The following IL36B variants were observed in gnomAD, a reference collection of about 807,000 sequenced individuals.
IL36B encodes the protein interleukin 36 beta.
A neutral mutation model predicts 19.3 loss-of-function variants in IL36B; 23 were observed. The observed-to-expected ratio is 1.19, with a 90% CI of 0.86 to 1.69. IL36B has a LOEUF of 1.69. IL36B is among the 40% of genes most tolerant of loss of function. The pLI is 0.00. For missense variants in IL36B, 217 were observed against 200.5 expected (o/e 1.08, Z -0.50); for synonymous variants, 59 against 59.7 (o/e 0.99, Z 0.05).
At chr2:113,044,260 ATG>A (rs56838257) in intron 1 of IL36B, among the ~76,000 whole-genome samples, 7,354 of 142,288 alleles carry the variant, frequency 0.052, 253 homozygotes, top group Admixed American at 0.14. Context: ...CTATATCTAT[ATG>A]TGTGTGTGTG....
At chr2:113,044,258 ATATGTGTGTGTGTGTG>A (rs1459437823) in intron 1 of IL36B, among the ~76,000 whole-genome samples, 289 of 131,410 alleles carry the variant, frequency 2.2e-3, no homozygotes, top group African/African-American at 7.7e-3. Context: ...ATCTATATCT[ATATGTGTGTGTGTGTG>A]TGTGTGTGTG....
intron 5 of IL36B, chr2:113,022,885 G>A: frequency 1.4e-6 from 1 of 691,242 alleles, no homozygotes. Flanking sequence ...GGCTCCTGGA[G>A]GAGATTGGAG....
At chr2:113,027,249 G>T (rs1380170785) in intron 4 of IL36B, among the ~76,000 whole-genome samples, 184 bp downstream of exon 5, 1 of 152,104 alleles carries the variant, frequency 6.6e-6, no homozygotes, top group Non-Finnish European at 1.5e-5. Flanking sequence ...GCTGTCTCAG[G>T]GGTGGAGAGG....
At chr2:113,028,646 G>T (rs1005810871) in intron 4 of IL36B, among the ~76,000 whole-genome samples, 2 of 152,202 alleles carry the variant, frequency 1.3e-5, no homozygotes, top group African/African-American at 4.8e-5. Flanking sequence ...AGGATTTCCA[G>T]AATGCAGTTA....
At chr2:113,038,023 C>T (rs949535490) in intron 1 of IL36B, among the ~76,000 whole-genome samples, 6 of 152,176 alleles carry the variant, frequency 3.9e-5, no homozygotes, top group East Asian at 1.9e-4. Flanking sequence ...GAGCATTTGA[C>T]GCTGACATTT....
chr2:113,035,080 A>G (rs563541709), intron 1 of IL36B, among the ~76,000 whole-genome samples: 297 of 152,348 alleles, frequency 1.9e-3, no homozygotes, highest in Non-Finnish European at 3.0e-3. Context: ...GAACTTTTAG[A>G]CATTTAAAGT....
intron 4 of IL36B, among the ~76,000 whole-genome samples, chr2:113,026,645 T>A (rs1428576604): frequency 6.6e-6 from 1 of 152,152 alleles, no homozygotes; most frequent in Middle Eastern, 3.2e-3. Flanking sequence ...TTAAAATAAC[T>A]CTCACAAAAT....
chr2:113,038,222 A>G (rs1297420447), intron 1 of IL36B, among the ~76,000 whole-genome samples: 1 of 152,162 alleles, frequency 6.6e-6, no homozygotes, highest in Non-Finnish European at 1.5e-5. Flanking sequence ...TCTTCTTGCT[A>G]CAAGTTGTTG....
intron 4 of IL36B, among the ~76,000 whole-genome samples, chr2:113,028,439 G>T (rs1335029135): frequency 6.6e-6 from 1 of 152,198 alleles, no homozygotes; most frequent in Non-Finnish European, 1.5e-5. Flanking sequence ...GGCCAGTCTT[G>T]CTGCATTCTC....
At chr2:113,051,497 G>A (rs1373737429) in intron 1 of IL36B, among the ~76,000 whole-genome samples, 4 of 152,138 alleles carry the variant, frequency 2.6e-5, no homozygotes, top group African/African-American at 7.2e-5. Flanking sequence ...CTCAGATCCC[G>A]GCCTGTGCAC....
At chr2:113,031,252 G>A (rs748558961) in intron 2 of IL36B, 97 bp from the exon 3 acceptor site, 103 of 791,564 alleles carry the variant, frequency 1.3e-4, no homozygotes, top group Middle Eastern at 2.2e-4. Flanking sequence ...TTTCTGGAGA[G>A]AGTCTCATTG....
At chr2:113,051,805 G>A (rs1342559744) in intron 1 of IL36B, among the ~76,000 whole-genome samples, 1 of 152,146 alleles carries the variant, frequency 6.6e-6, no homozygotes, top group East Asian at 1.9e-4. Flanking sequence ...CTCCAGGAAG[G>A]ACTTTCACGG....
At chr2:113,050,941 C>T (rs1213087052) in intron 1 of IL36B, among the ~76,000 whole-genome samples, 4 of 151,974 alleles carry the variant, frequency 2.6e-5, no homozygotes, top group East Asian at 2.0e-4. Flanking sequence ...AATTGGAGGC[C>T]GTGCCTCTCA....
At chr2:113,052,486 T>C (rs1685466386) in intron 1 of IL36B, among the ~76,000 whole-genome samples, 1 of 152,204 alleles carries the variant, frequency 6.6e-6, no homozygotes, top group Non-Finnish European at 1.5e-5. Flanking sequence ...CTAATTTTCG[T>C]TTTGTCTTAT....
chr2:113,038,279 C>G (rs1389665234), intron 1 of IL36B, among the ~76,000 whole-genome samples: 1 of 152,180 alleles, frequency 6.6e-6, no homozygotes, highest in Non-Finnish European at 1.5e-5. Context: ...GATCCTCACT[C>G]CCAGTTCCAG....
chr2:113,046,109 AC>A (rs1685343642), intron 1 of IL36B, among the ~76,000 whole-genome samples: 1 of 152,192 alleles, frequency 6.6e-6, no homozygotes, highest in Non-Finnish European at 1.5e-5. Context: ...TTGTGTATTA[AC>A]ATTTTACATT....
rs114158296 is a variant in IL36B at position 113,043,509 on chromosome 2, C to T, written c.-58+9308G>A. On this transcript the variant is annotated intron_variant, in intron 1 of 5. Coordinates refer to ENST00000259213, the MANE Select transcript of IL36B (RefSeq NM_014438.5). Reference sequence around the variant, plus strand: ...TTTTGTTGTCATTATATGAATATCTCATTGATTTGTCACCATTTGTTGAAC... The same window carrying T: ...TTTTGTTGTCATTATATGAATATCTTATTGATTTGTCACCATTTGTTGAAC... Among the ~76,000 whole-genome samples, 1,039 of 152,250 alleles carry T rather than the reference C, an allele frequency of 6.8e-3. 3 individuals carry two copies. The highest frequency in any genetic ancestry group is 0.01 in the Non-Finnish European group (696 of 68,018).
At chr2:113,038,871 G>C (rs945605098) in intron 1 of IL36B, among the ~76,000 whole-genome samples, 6 of 152,212 alleles carry the variant, frequency 3.9e-5, no homozygotes, top group Non-Finnish European at 5.9e-5. Flanking sequence ...GAGAGAGGCT[G>C]TCCTCTCAAT....
chr2:113,027,325 G>T, intron 4 of IL36B, 108 bp downstream of exon 5: 1 of 319,298 alleles, frequency 3.1e-6, no homozygotes, highest in Non-Finnish European at 4.5e-6. Flanking sequence ...AACTTTTATT[G>T]AAAAAAATCA....
Sources: gnomAD v4.1 joint callset for allele counts (sites outside exome capture counted in the v4.1 genomes callset) on GRCh38, gnomAD v4.1.1 for gene constraint, MANE v1.5 for transcripts, NCBI Gene and HGNC (gene_info 2026-07-23, HGNC 2026-07-21) for gene names.